ABHD12: variants seen among roughly 807,000 people sequenced by gnomAD.
ABHD12 encodes lysophosphatidylserine lipase ABHD12.
In ABHD12, 43 loss-of-function variants were observed where a neutral mutation model predicts 58.3. The ratio of observed to expected loss-of-function variants is 0.74; its 90% CI spans 0.58 to 0.95. ABHD12 has a LOEUF of 0.95. Among genes scored for constraint, ABHD12 ranks in the 40% least tolerant of loss-of-function variants. The pLI is 0.00. For synonymous variants in ABHD12, 219 were observed against 211.2 expected, an observed-to-expected ratio of 1.04 and a Z score of -0.32; for missense variants, 539 against 537.2, an observed-to-expected ratio of 1.00 and a Z score of -0.03.
rs2088621049 is a variant in ABHD12, at chr20:25,300,781, G to A, written c.*64C>T. On this transcript the variant is annotated 3_prime_UTR_variant, in exon 13 of 13. Transcript: ENST00000339157. ...GCCCCCCGGGGCTTCAGGATACCGGGCTGCTGACTGGAGGAAAACGGGAGG... is the reference window on the plus strand; with the variant it reads ...GCCCCCCGGGGCTTCAGGATACCGGACTGCTGACTGGAGGAAAACGGGAGG... 1 of 1,613,212 alleles carries A rather than the reference G, an allele frequency of 6.2e-7. No homozygotes were observed. Among genetic ancestry groups the A allele is most frequent in the Non-Finnish European group, 8.5e-7 (1 of 1,179,686 alleles).
chr20:25,303,724 T>C, intron 10 of ABHD12, 96 bp from the exon 11 acceptor site: 1 of 1,541,090 alleles, frequency 6.5e-7, no homozygotes, highest in Non-Finnish European at 8.8e-7. Flanking sequence ...AGGGTGTGTT[T>C]TGGGAAACAG....
intron 1 of ABHD12, among the ~76,000 whole-genome samples, chr20:25,354,365 GGGCAGGGA>G (rs1339454412): frequency 1.3e-5 from 2 of 152,178 alleles, no homozygotes; most frequent in East Asian, 1.9e-4. Flanking sequence ...GAGAACTGGG[GGGCAGGGA>G]GGCAGGGAGG....
chr20:25,373,127 T>G (rs376865205), intron 1 of ABHD12, among the ~76,000 whole-genome samples: 13 of 152,202 alleles, frequency 8.5e-5, no homozygotes, highest in African/African-American at 3.1e-4. Context: ...TATGTTTGTG[T>G]AAATACACTC....
chr20:25,309,333 G>A, intron 7 of ABHD12, 113 bp downstream of exon 7: 1 of 1,518,574 alleles, frequency 6.6e-7, no homozygotes, highest in South Asian at 1.1e-5. Flanking sequence ...AGGCTGGTCG[G>A]GACTAATGGT....
intron 1 of ABHD12, among the ~76,000 whole-genome samples, chr20:25,387,027 A>G (rs1363292987): frequency 5.9e-5 from 9 of 152,332 alleles, no homozygotes; most frequent in African/African-American, 2.2e-4. Context: ...AATCTCTATG[A>G]TCATTCCACA....
chr20:25,344,938 G>A (rs1190837352), intron 1 of ABHD12, among the ~76,000 whole-genome samples: 2 of 152,052 alleles, frequency 1.3e-5, no homozygotes, highest in African/African-American at 4.8e-5. Flanking sequence ...CTGTACATTC[G>A]TATGGAAAAA....
intron 1 of ABHD12, among the ~76,000 whole-genome samples, chr20:25,376,685 T>G (rs1208497757): frequency 6.6e-6 from 1 of 152,226 alleles, no homozygotes; most frequent in Non-Finnish European, 1.5e-5. Flanking sequence ...TTTGTTGCCG[T>G]GTTTCTCCTT....
In ABHD12 at chr20:25,304,661, G is replaced by C. The variant is rs2088701733; in HGVS notation, c.951-1033C>G. Among the ~76,000 whole-genome samples, 5 of 152,306 alleles carry C rather than the reference G, an allele frequency of 3.3e-5. No homozygotes were observed. In the South Asian group the frequency reaches 1.0e-3, roughly 32 times the overall value. On this transcript the variant is annotated intron_variant, in intron 10 of 12. Coordinates refer to ENST00000339157, the MANE Select transcript of ABHD12 (RefSeq NM_001042472.3). ...CAGCTCACTGCAACCTCTGCCTCCT[G>C]GGTTCAAGTGATTCTCCTGCTTCAG... is the stretch of plus-strand genomic sequence containing the variant.
chr20:25,313,282 C>T (rs1176511229), intron 6 of ABHD12, among the ~76,000 whole-genome samples: 146 of 142,442 alleles, frequency 1.0e-3, no homozygotes, highest in African/African-American at 1.6e-3. Context: ...TATGACCTTA[C>T]CCCCAACCTG....
At position 25,325,050 on chromosome 20, in the gene ABHD12, A is replaced by G. The variant is rs148080978; in HGVS notation, c.317-1620T>C. On this transcript the variant is annotated intron_variant, in intron 2 of 12. Transcript: ENST00000339157. Reference sequence around the variant, plus strand: ...GCAAAACCCCACCTCTACAAAAAATATAAAAATTACCCAGGTAAGGTGACA... The same window carrying G: ...GCAAAACCCCACCTCTACAAAAAATGTAAAAATTACCCAGGTAAGGTGACA... Among the ~76,000 whole-genome samples, 176 of 152,106 alleles carry G rather than the reference A, an allele frequency of 1.2e-3. 1 individual carries two copies. The highest frequency in any genetic ancestry group is 4.0e-3 in the African/African-American group (168 of 41,490).
chr20:25,352,249 C>T lies in ABHD12; in HGVS notation c.192-12898G>A, dbSNP rs143933999. ...TCATGTGATCCACTCGCCTTGGCCT[C>T]CCAAAGTGTTAGGATTACAGACATG... On this transcript the variant is annotated intron_variant, in intron 1 of 12. Coordinates refer to ENST00000339157, the MANE Select transcript of ABHD12 (RefSeq NM_001042472.3). Among the ~76,000 whole-genome samples the T allele has an allele frequency of 8.2e-3, 1,238 of 151,788 alleles. 4 individuals carry two copies. Among genetic ancestry groups the T allele is most frequent in the Non-Finnish European group, 0.013 (915 of 67,962 alleles).
chr20:25,390,578 C>A lies in ABHD12; in HGVS notation c.126G>T (p.Leu42=). The A allele has an allele frequency of 6.8e-7, 1 of 1,479,168 alleles. No individual in the cohort carries two copies. The highest frequency in any genetic ancestry group is 1.3e-5 in the South Asian group (1 of 79,192). The allele number at this position is 1,479,168 out of a possible 1,614,324, so 91.6% of individuals were successfully genotyped here. A position where few individuals can be genotyped will look rare whatever the true frequency, so the allele number is the denominator to read the frequency against. The change falls in exon 1 of 13, where the codon CTG becomes CTT. Residue 42 remains leucine (L), a synonymous_variant. Coordinates refer to ENST00000339157, the MANE Select transcript of ABHD12 (RefSeq NM_001042472.3). ...GCGGCTCAGCCGCCGCCGGGCCCGTCAGGCGTAGGTTCTGCTTCAGGCGGC... is the reference window on the plus strand; with the variant it reads ...GCGGCTCAGCCGCCGCCGGGCCCGTAAGGCGTAGGTTCTGCTTCAGGCGGC... ...ADCRLKQNLR[L]TGPAAAEPRC... is the part of the protein sequence containing the mutation.
chr20:25,328,360 C>T (rs2089211658), intron 2 of ABHD12, among the ~76,000 whole-genome samples: 1 of 152,156 alleles, frequency 6.6e-6, no homozygotes, highest in African/African-American at 2.4e-5. Context: ...GCGGGGGTAG[C>T]CTCCTCAATA....
chr20:25,369,991 A>G lies in ABHD12; in HGVS notation c.191+20522T>C, dbSNP rs186389241. 3.3e-3 allele frequency among the ~76,000 whole-genome samples: 497 copies of G among 151,074 alleles called. 2 individuals are homozygous for G. Among genetic ancestry groups the G allele is most frequent in the Non-Finnish European group, 6.0e-3 (410 of 67,856 alleles). ...TTGTTAACAAAGGACACTTTTAGAT[A>G]TAAGTGGGTCCTTGCCCTTTGTTTT... On this transcript the variant is annotated intron_variant, in intron 1 of 12. Transcript: ENST00000339157.
At position 25,390,800 on chromosome 20, in the gene ABHD12, A is replaced by G. The variant is rs972870071; in HGVS notation, c.-97T>C. ...CGCCACCCAGAGCCCGGAGCCCGGA[A>G]CCCGCCGCTCCTCACATCCCAGCCC... is the stretch of plus-strand genomic sequence containing the variant. On this transcript the variant is annotated 5_prime_UTR_variant, in exon 1 of 13. Coordinates refer to ENST00000339157, the MANE Select transcript of ABHD12 (RefSeq NM_001042472.3). 2.3e-5 allele frequency: 19 copies of G among 828,386 alleles called. No individual in the cohort carries two copies. The African/African-American group carries it at 3.5e-4, about 15-fold the overall frequency. The allele number at this position is 828,386 out of a possible 1,614,324, so 51.3% of individuals were successfully genotyped here. A position where few individuals can be genotyped will look rare whatever the true frequency, so the allele number is the denominator to read the frequency against.
At chr20:25,390,343 G>A (rs1240780480) in intron 1 of ABHD12, among the ~76,000 whole-genome samples, 170 bp downstream of exon 1, 1 of 152,100 alleles carries the variant, frequency 6.6e-6, no homozygotes, top group African/African-American at 2.4e-5. Flanking sequence ...GAGCGGGGGT[G>A]GGGCTGCCGC....
intron 1 of ABHD12, among the ~76,000 whole-genome samples, chr20:25,377,974 G>T (rs775392853): frequency 2.0e-5 from 3 of 152,210 alleles, no homozygotes; most frequent in Admixed American, 6.5e-5. Flanking sequence ...GGGATGACAG[G>T]CGTGGGCCAC....
intron 1 of ABHD12, among the ~76,000 whole-genome samples, chr20:25,359,559 T>C (rs2089717209): frequency 1.3e-5 from 2 of 152,138 alleles, no homozygotes; most frequent in South Asian, 4.1e-4. Flanking sequence ...TACTGATGTA[T>C]AATAACTTTG....
intron 1 of ABHD12, among the ~76,000 whole-genome samples, chr20:25,372,828 G>A (rs1441872030): frequency 1.3e-4 from 20 of 152,198 alleles, no homozygotes; most frequent in Admixed American, 1.3e-3. Flanking sequence ...GTATAAAAAT[G>A]TATATTCATG....
Sources: gnomAD v4.1 joint callset for allele counts (sites outside exome capture counted in the v4.1 genomes callset) on GRCh38, gnomAD v4.1.1 for gene constraint, MANE v1.5 for transcripts, NCBI Gene and HGNC (gene_info 2026-07-23, HGNC 2026-07-21) for gene names.